The following VAX2 variants were observed in gnomAD, a reference collection of about 807,000 sequenced individuals.
The protein encoded by VAX2 is ventral anterior homeobox 2.
In VAX2, 8 loss-of-function variants were observed where a neutral mutation model predicts 12.5. The ratio of observed to expected loss-of-function variants is 0.64; its 90% CI spans 0.37 to 1.15. The LOEUF (loss-of-function observed/expected upper bound fraction) is 1.15. Ranked by LOEUF, VAX2 falls within the 50% of genes most tolerant of loss-of-function variation. The pLI is 0.01. For synonymous variants in VAX2, 183 were observed against 187.6 expected (o/e 0.98, Z 0.20); for missense variants, 476 against 412.9 (o/e 1.15, Z -1.32).
intron 2 of VAX2, among the ~76,000 whole-genome samples, chr2:70,923,738 G>A (rs1478861595): frequency 6.6e-6 from 1 of 152,214 alleles, no homozygotes; most frequent in Non-Finnish European, 1.5e-5. Context: ...GCAAGGTAAG[G>A]GGGAGGTGCG....
intron 1 of VAX2, among the ~76,000 whole-genome samples, chr2:70,917,354 A>T (rs1206230437): frequency 7.5e-6 from 1 of 133,584 alleles, no homozygotes; most frequent in Non-Finnish European, 1.8e-5. Context: ...AAACAAAAAC[A>T]AATATTTCAT....
chr2:70,918,216 C>T (rs1442648235), intron 1 of VAX2, among the ~76,000 whole-genome samples: 2 of 152,182 alleles, frequency 1.3e-5, no homozygotes, highest in East Asian at 3.9e-4. Flanking sequence ...ACATCCTCCA[C>T]CCTGGCTCAC....
At chr2:70,929,907 T>C (rs966689394) in intron 2 of VAX2, among the ~76,000 whole-genome samples, 2 of 152,196 alleles carry the variant, frequency 1.3e-5, no homozygotes, top group African/African-American at 4.8e-5. Context: ...CCACTCCACG[T>C]GGCAAGGATT....
intron 1 of VAX2, among the ~76,000 whole-genome samples, chr2:70,917,322 C>CAAAT (rs56031108): frequency 0.54 from 78,761 of 147,150 alleles, 22,197 homozygotes; most frequent in East Asian, 0.71. Context: ...ACTCTATCTC[C>CAAAT]AAATAAATAA....
intron 1 of VAX2, among the ~76,000 whole-genome samples, chr2:70,916,839 T>G (rs952941260): frequency 6.6e-6 from 1 of 152,134 alleles, no homozygotes; most frequent in Admixed American, 6.5e-5. Context: ...TATACAGGTT[T>G]TTGTGTGAAC....
chr2:70,921,506 A>T (rs1553412870), intron 2 of VAX2, among the ~76,000 whole-genome samples: 1 of 152,180 alleles, frequency 6.6e-6, no homozygotes, highest in Admixed American at 6.5e-5. Flanking sequence ...CCTTCTGGAT[A>T]GATCAGGCAC....
At chr2:70,928,724 C>A (rs782311409) in intron 2 of VAX2, among the ~76,000 whole-genome samples, 4 of 152,228 alleles carry the variant, frequency 2.6e-5, no homozygotes, top group Non-Finnish European at 4.4e-5. Flanking sequence ...GCCACTCCCC[C>A]ACTAGACCCT....
intron 2 of VAX2, among the ~76,000 whole-genome samples, 162 bp downstream of exon 2, chr2:70,921,447 C>T (rs961955585): frequency 2.8e-4 from 42 of 152,204 alleles, no homozygotes; most frequent in Admixed American, 1.0e-3. Flanking sequence ...AGTGAAAGAG[C>T]AAATAAATAT....
At chr2:70,919,480 A>G (rs1679399787) in intron 1 of VAX2, among the ~76,000 whole-genome samples, 1 of 152,016 alleles carries the variant, frequency 6.6e-6, no homozygotes, top group African/African-American at 2.4e-5. Flanking sequence ...ACTTGAGCCC[A>G]GGAGTTCAAA....
intron 2 of VAX2, among the ~76,000 whole-genome samples, chr2:70,921,829 G>A (rs1679465484): frequency 6.6e-6 from 1 of 152,084 alleles, no homozygotes; most frequent in South Asian, 2.1e-4. Context: ...CATTTTAACA[G>A]CAGTGTGCTT....
chr2:70,914,374 G>A (rs1223445614), intron 1 of VAX2, among the ~76,000 whole-genome samples: 1 of 152,150 alleles, frequency 6.6e-6, no homozygotes, highest in Non-Finnish European at 1.5e-5. Flanking sequence ...ACTTGAACCC[G>A]GGAGGCGGAG....
intron 1 of VAX2, 136 bp downstream of exon 1, chr2:70,901,004 T>C (rs1463724835): frequency 1.7e-5 from 17 of 1,002,174 alleles, no homozygotes; most frequent in Middle Eastern, 3.6e-4. Context: ...TCAGCAAATA[T>C]TATTTTGAGC....
chr2:70,921,729 C>T (rs1280069561), intron 2 of VAX2, among the ~76,000 whole-genome samples: 6 of 152,070 alleles, frequency 3.9e-5, no homozygotes, highest in African/African-American at 1.4e-4. Context: ...CCCTTTCCCA[C>T]CCTCCATCAC....
At chr2:70,920,961 A>G (rs973455801) in intron 1 of VAX2, 137 bp from the exon 2 acceptor site, 85 of 1,054,296 alleles carry the variant, frequency 8.1e-5, no homozygotes, top group Middle Eastern at 2.8e-4. Flanking sequence ...AGGGTGAGCA[A>G]CTTGTCACAG....
chr2:70,906,469 C>A (rs975371483), intron 1 of VAX2, among the ~76,000 whole-genome samples: 37 of 151,094 alleles, frequency 2.4e-4, no homozygotes, highest in Non-Finnish European at 4.9e-4. Flanking sequence ...TGAACCATCT[C>A]CCCCGTGGCC....
In VAX2 at chr2:70,932,933, T is replaced by A. The variant is rs782811399; in HGVS notation, c.602T>A (p.Leu201Gln). The A allele has an allele frequency of 1.2e-5, 19 of 1,612,934 alleles. No homozygotes were observed. In the Admixed American group the frequency reaches 2.7e-4, roughly 23 times the overall value. Residue 201 changes from leucine to glutamine, a missense_variant, in exon 3 of 3, where the codon CTG (leucine) becomes CAG (glutamine). By Grantham distance (113) the Leu-to-Gln change is moderately radical. Coordinates refer to ENST00000234392, the MANE Select transcript of VAX2 (RefSeq NM_012476.3). ...TCTGTGCCCAGGGCCCCTAGCCTCC[T>A]GGCGCTGACCCCTAGCCTGCCAGGC... Reference protein sequence around the residue: ...LLSVPRAPSLLALTPSLPGLP... With the variant: ...LLSVPRAPSLQALTPSLPGLP...
At position 70,904,934 on chromosome 2, in the gene VAX2, G is replaced by T. The variant is rs1056041245; in HGVS notation, c.247+4066G>T. Reference sequence around the variant, plus strand: ...AGCACAATGGCGTGCAGCCGCCGGGGCCCTAACTCCCAGAGACGCGTCTGA... The same window carrying T: ...AGCACAATGGCGTGCAGCCGCCGGGTCCCTAACTCCCAGAGACGCGTCTGA... On this transcript the variant is annotated intron_variant, in intron 1 of 2. Coordinates refer to ENST00000234392, the MANE Select transcript of VAX2 (RefSeq NM_012476.3). The surrounding 1 kb of genome is among the most constrained non-coding windows in gnomAD (Gnocchi z 4.2). 6.6e-6 allele frequency among the ~76,000 whole-genome samples: 1 copy of T among 152,212 alleles called. No individual in the cohort carries two copies. Among genetic ancestry groups the T allele is most frequent in the Non-Finnish European group, 1.5e-5 (1 of 68,050 alleles).
intron 1 of VAX2, among the ~76,000 whole-genome samples, chr2:70,906,938 A>C (rs927870410): frequency 1.3e-5 from 2 of 152,206 alleles, no homozygotes; most frequent in Admixed American, 1.3e-4. Flanking sequence ...CACCAAATCC[A>C]GGCGATCTTC....
chr2:70,910,735 G>A (rs1679163186), intron 1 of VAX2, among the ~76,000 whole-genome samples: 1 of 149,870 alleles, frequency 6.7e-6, no homozygotes, highest in Admixed American at 6.7e-5. Context: ...AAGGAAATGA[G>A]CCCTTTTTCT....
Sources: gnomAD v4.1 joint callset for allele counts (sites outside exome capture counted in the v4.1 genomes callset) on GRCh38, gnomAD v4.1.1 for gene constraint, Gnocchi (gnomAD v3.1) non-coding constraint, MANE v1.5 for transcripts, NCBI Gene and HGNC (gene_info 2026-07-23, HGNC 2026-07-21) for gene names.